RAB38: variants seen among roughly 807,000 people sequenced by gnomAD.
The protein encoded by RAB38 is RAB38, member RAS oncogene family.
A neutral mutation model predicts 18.4 loss-of-function variants in RAB38; 15 were observed. That is an observed-to-expected ratio of 0.82 (90% CI 0.55 to 1.26). The LOEUF is 1.26. Ranked by LOEUF, RAB38 falls within the 50% of genes most tolerant of loss-of-function variation. RAB38 has a pLI of 0.00. For missense variants in RAB38, 294 were observed against 267.4 expected (o/e 1.10, Z -0.69); for synonymous variants, 101 against 104.4 (o/e 0.97, Z 0.20).
chr11:88,129,366 C>T (rs1005618144), intron 2 of RAB38, among the ~76,000 whole-genome samples: 5 of 151,994 alleles, frequency 3.3e-5, no homozygotes, highest in South Asian at 2.1e-4. Flanking sequence ...AATGGCTGGG[C>T]GTGGCGGCTC....
the RAB38 span, among the ~76,000 whole-genome samples, chr11:87,946,117 T>C: frequency 3.9e-5 from 6 of 152,278 alleles, no homozygotes; most frequent in South Asian, 1.2e-3. Context: ...TAGGGGAATA[T>C]ATACAAACTA....
the RAB38 span, among the ~76,000 whole-genome samples, chr11:87,825,742 G>A: frequency 3.3e-5 from 5 of 152,076 alleles, no homozygotes; most frequent in Admixed American, 1.3e-4. Flanking sequence ...GAGTTTGGAA[G>A]GATGTAGAGA....
chr11:87,976,668 A>C, the RAB38 span, among the ~76,000 whole-genome samples: 3 of 101,290 alleles, frequency 3.0e-5, no homozygotes, highest in African/African-American at 1.1e-4. Context: ...ATATAATTTT[A>C]TATGATATAT....
chr11:88,158,497 G>A (rs539322141), intron 1 of RAB38, among the ~76,000 whole-genome samples: 122 of 151,976 alleles, frequency 8.0e-4, no homozygotes, highest in African/African-American at 2.7e-3. Flanking sequence ...GCCAATATTC[G>A]TGATAAACAT....
chr11:88,162,594 A>G (rs1451838141), intron 1 of RAB38, among the ~76,000 whole-genome samples: 2 of 148,726 alleles, frequency 1.3e-5, no homozygotes, highest in Admixed American at 6.8e-5. Context: ...GTCTAATCTC[A>G]TTCATTCATT....
At chr11:87,969,274 G>A in the RAB38 span, among the ~76,000 whole-genome samples, 1 of 152,036 alleles carries the variant, frequency 6.6e-6, no homozygotes, top group East Asian at 1.9e-4. Context: ...GGCACAGTTG[G>A]CCAATCCTCC....
chr11:88,095,700 A>G, the RAB38 span, among the ~76,000 whole-genome samples: 1 of 151,884 alleles, frequency 6.6e-6, no homozygotes, highest in African/African-American at 2.4e-5. Context: ...AGTATTATAT[A>G]TCATATGTCC....
chr11:88,153,201 T>C (rs1462240697), intron 1 of RAB38, among the ~76,000 whole-genome samples: 1 of 152,208 alleles, frequency 6.6e-6, no homozygotes, highest in Admixed American at 6.5e-5. Flanking sequence ...GACTCAGTTT[T>C]CTTATCTATA....
At chr11:88,044,634 G>C in the RAB38 span, among the ~76,000 whole-genome samples, 2 of 152,026 alleles carry the variant, frequency 1.3e-5, no homozygotes, top group African/African-American at 4.8e-5. Flanking sequence ...ATGGGCAAAC[G>C]GTCTGAGGTG....
intron 1 of RAB38, among the ~76,000 whole-genome samples, chr11:88,164,639 T>C (rs1353272035): frequency 6.6e-6 from 1 of 152,070 alleles, no homozygotes; most frequent in Admixed American, 6.6e-5. Flanking sequence ...GTTCTCTTTT[T>C]TTTTCTTATG....
the RAB38 span, among the ~76,000 whole-genome samples, chr11:87,912,825 C>G: frequency 8.4e-6 from 1 of 119,656 alleles, no homozygotes; most frequent in Non-Finnish European, 1.7e-5. Context: ...TAAACATATT[C>G]AGCACTATAG....
chr11:87,824,205 C>T, the RAB38 span, among the ~76,000 whole-genome samples: 1 of 152,148 alleles, frequency 6.6e-6, no homozygotes, highest in Non-Finnish European at 1.5e-5. Flanking sequence ...GAAAAGTCTA[C>T]ATGTTGAGCA....
chr11:87,877,541 A>G, the RAB38 span, among the ~76,000 whole-genome samples: 1 of 151,502 alleles, frequency 6.6e-6, no homozygotes, highest in Non-Finnish European at 1.5e-5. Context: ...CATATCCAGA[A>G]TCCAATTTTC....
the RAB38 span, among the ~76,000 whole-genome samples, chr11:88,004,519 CA>C: frequency 1.3e-5 from 2 of 151,146 alleles, no homozygotes. Context: ...AGAAACATTA[CA>C]CTTATATCAC....
At chr11:87,932,241 T>C in the RAB38 span, among the ~76,000 whole-genome samples, 3 of 152,118 alleles carry the variant, frequency 2.0e-5, no homozygotes, top group East Asian at 5.8e-4. Flanking sequence ...TGTATACCTA[T>C]GTAACAAACC....
the RAB38 span, among the ~76,000 whole-genome samples, chr11:87,949,286 C>G: frequency 5.4e-4 from 82 of 152,012 alleles, no homozygotes; most frequent in Admixed American, 5.4e-3. Flanking sequence ...CTCTTTTCTT[C>G]TTTGTTAGTT....
In RAB38 at chr11:88,164,467, T is replaced by C. The variant is rs187592538; in HGVS notation, c.202+10716A>G. ...TTTCTGTGATGAAAAGCAAAAATCA[T>C]GTGAAAATCAATGTGAAACAGGAAA... is the stretch of plus-strand genomic sequence containing the variant. On this transcript the variant is annotated intron_variant, in intron 1 of 2. Transcript: ENST00000243662. 5.3e-5 allele frequency among the ~76,000 whole-genome samples: 8 copies of C among 152,126 alleles called. No homozygotes were observed. In the East Asian group the frequency reaches 1.5e-3, roughly 29 times the overall value.
chr11:87,856,797 G>A, the RAB38 span, among the ~76,000 whole-genome samples: 1 of 151,988 alleles, frequency 6.6e-6, no homozygotes, highest in African/African-American at 2.4e-5. Context: ...AATAAAGTAT[G>A]TCATGAAACC....
chr11:88,155,938 G>C (rs924384299), intron 1 of RAB38, among the ~76,000 whole-genome samples: 6 of 152,168 alleles, frequency 3.9e-5, no homozygotes, highest in Non-Finnish European at 5.9e-5. Flanking sequence ...CAGAGCTTAA[G>C]AACTGGTCTT....
Sources: allele counts gnomAD v4.1 joint callset (sites outside exome capture counted in the v4.1 genomes callset), GRCh38; gene constraint gnomAD v4.1.1; transcripts MANE v1.5; gene names NCBI Gene and HGNC (gene_info 2026-07-23, HGNC 2026-07-21).